ADAM22: variants seen among roughly 807,000 people sequenced by gnomAD.
ADAM22 encodes ADAM metallopeptidase domain 22.
A neutral mutation model predicts 144.6 loss-of-function variants in ADAM22; 65 were observed. That is an observed-to-expected ratio of 0.45 (90% confidence interval 0.37 to 0.55). The LOEUF is 0.55. Ranked by LOEUF, ADAM22 falls within the 20% of genes least tolerant of loss-of-function variation. The pLI, the probability that ADAM22 is intolerant of heterozygous loss-of-function variation, is 0.00. For missense variants in ADAM22, 974 were observed against 1,184.9 expected (o/e 0.82, Z 2.61); for synonymous variants, 391 against 412.6 (o/e 0.95, Z 0.63).
intron 3 of ADAM22, among the ~76,000 whole-genome samples, chr7:88,050,062 AT>A: frequency 6.6e-6 from 1 of 151,890 alleles, no homozygotes; most frequent in Admixed American, 6.6e-5. Flanking sequence ...AATAAATATA[AT>A]GTAAATTTTT....
At chr7:88,118,481 A>G (rs1345325100) in intron 7 of ADAM22, among the ~76,000 whole-genome samples, 1 of 152,108 alleles carries the variant, frequency 6.6e-6, no homozygotes, top group Non-Finnish European at 1.5e-5. Flanking sequence ...TAAAATCCCT[A>G]TTCTGATAAG....
intron 3 of ADAM22, among the ~76,000 whole-genome samples, chr7:88,041,000 A>G (rs1585193192): frequency 6.6e-6 from 1 of 152,034 alleles, no homozygotes; most frequent in African/African-American, 2.4e-5. Context: ...TAATATGGCA[A>G]CTGCTTTTTC....
intron 5 of ADAM22, among the ~76,000 whole-genome samples, chr7:88,110,502 G>A (rs1248447814): frequency 3.3e-5 from 5 of 151,950 alleles, no homozygotes; most frequent in Non-Finnish European, 7.4e-5. Context: ...GGCTATAAAT[G>A]GACCTGAGAA....
chr7:88,014,105 A>G (rs1796042182), intron 3 of ADAM22, among the ~76,000 whole-genome samples: 1 of 152,184 alleles, frequency 6.6e-6, no homozygotes, highest in Admixed American at 6.5e-5. Context: ...AGATTAGACT[A>G]AAAGTTTCCT....
chr7:88,044,686 TC>T (rs1804081489), intron 3 of ADAM22, among the ~76,000 whole-genome samples: 2 of 151,850 alleles, frequency 1.3e-5, no homozygotes, highest in Non-Finnish European at 2.9e-5. Flanking sequence ...GACCTCATGA[TC>T]CACCCGCCTC....
intron 3 of ADAM22, among the ~76,000 whole-genome samples, chr7:88,012,142 A>G (rs1795589373): frequency 6.6e-6 from 1 of 151,422 alleles, no homozygotes; most frequent in African/African-American, 2.4e-5. Flanking sequence ...TGATGAGCCT[A>G]TCAAAGGCAT....
At chr7:88,003,015 G>T (rs1301563257) in intron 3 of ADAM22, among the ~76,000 whole-genome samples, 1 of 152,214 alleles carries the variant, frequency 6.6e-6, no homozygotes, top group African/African-American at 2.4e-5. Flanking sequence ...TACACAAATT[G>T]TGAAATGAAT....
intron 2 of ADAM22, among the ~76,000 whole-genome samples, chr7:87,975,959 G>A (rs1851810262): frequency 6.6e-6 from 1 of 152,138 alleles, no homozygotes; most frequent in Non-Finnish European, 1.5e-5. Flanking sequence ...TAGAGGGAGT[G>A]ATGTTATCCA....
intron 3 of ADAM22, among the ~76,000 whole-genome samples, chr7:88,061,036 A>C (rs1809694393): frequency 6.6e-6 from 1 of 151,946 alleles, no homozygotes; most frequent in African/African-American, 2.4e-5. Context: ...CCCAGGAAAC[A>C]AAGGTTGCAG....
At chr7:88,194,539 C>G (rs1470535346) in intron 31 of ADAM22, among the ~76,000 whole-genome samples, 1 of 152,184 alleles carries the variant, frequency 6.6e-6, no homozygotes, top group Non-Finnish European at 1.5e-5. Context: ...CCTCTGTTAC[C>G]ACCACATAGA....
chr7:87,952,417 T>C (rs1320156870), intron 2 of ADAM22, among the ~76,000 whole-genome samples: 1 of 152,244 alleles, frequency 6.6e-6, no homozygotes, highest in Non-Finnish European at 1.5e-5. Context: ...TTTTTGTCTT[T>C]GGTTCTGTTT....
At chr7:88,016,692 C>T (rs919556123) in intron 3 of ADAM22, among the ~76,000 whole-genome samples, 1 of 152,046 alleles carries the variant, frequency 6.6e-6, no homozygotes, top group Non-Finnish European at 1.5e-5. Context: ...AAGTAGTATG[C>T]TCTGTGTTCT....
chr7:87,944,954 T>C (rs1327923909), intron 2 of ADAM22, among the ~76,000 whole-genome samples: 2 of 149,644 alleles, frequency 1.3e-5, no homozygotes, highest in African/African-American at 2.5e-5. Context: ...TTTTTCTTTT[T>C]ATTATTTCTT....
intron 3 of ADAM22, among the ~76,000 whole-genome samples, chr7:88,043,707 TA>T (rs956695763): frequency 6.7e-6 from 1 of 150,012 alleles, no homozygotes; most frequent in Non-Finnish European, 1.5e-5. Context: ...CTCCATCTCT[TA>T]AAAAAAAAGA....
chr7:87,955,785 TC>T (rs1478066801), intron 2 of ADAM22, among the ~76,000 whole-genome samples: 2 of 152,192 alleles, frequency 1.3e-5, no homozygotes, highest in Non-Finnish European at 2.9e-5. Flanking sequence ...TCCACCCAGT[TC>T]GAGCTTCCTG....
intron 8 of ADAM22, among the ~76,000 whole-genome samples, chr7:88,126,318 A>C (rs1220699601): frequency 6.6e-6 from 1 of 152,092 alleles, no homozygotes; most frequent in Non-Finnish European, 1.5e-5. Flanking sequence ...TGGCCATCAG[A>C]ATCAAGATAT....
chr7:88,131,756 CTT>C (rs1831852839), intron 11 of ADAM22: 1 of 306,962 alleles, frequency 3.3e-6, no homozygotes, highest in African/African-American at 2.1e-5. Context: ...AAGTTACTGT[CTT>C]TTAAATGTTA....
chr7:88,023,416 T>C (rs1585077952), intron 3 of ADAM22, among the ~76,000 whole-genome samples: 1 of 152,324 alleles, frequency 6.6e-6, no homozygotes, highest in East Asian at 1.9e-4. Context: ...AATCCAATTA[T>C]AGTCTTTTAT....
intron 3 of ADAM22, among the ~76,000 whole-genome samples, chr7:88,071,618 T>C (rs1347964406): frequency 6.6e-6 from 1 of 152,122 alleles, no homozygotes; most frequent in Non-Finnish European, 1.5e-5. Context: ...ATCATTATTA[T>C]GACTGAAAAT....
Sources: gnomAD v4.1 joint callset for allele counts (sites outside exome capture counted in the v4.1 genomes callset) on GRCh38, gnomAD v4.1.1 for gene constraint, MANE v1.5 for transcripts, NCBI Gene and HGNC (gene_info 2026-07-23, HGNC 2026-07-21) for gene names.